ARHGAP36: variants seen among roughly 807,000 people sequenced by gnomAD.
ARHGAP36 encodes the protein rho GTPase-activating protein 36.
Under a neutral mutation model 32.9 loss-of-function variants are expected in ARHGAP36, and 7 were observed. The ratio of observed to expected loss-of-function variants is 0.21; its 90% confidence interval spans 0.12 to 0.40. The LOEUF (loss-of-function observed/expected upper bound fraction) is 0.40, where lower values mean the gene tolerates loss of function less well. Among genes scored for constraint, ARHGAP36 ranks in the 10% least tolerant of loss-of-function variants. The pLI is 1.00. For synonymous variants in ARHGAP36, 165 were observed against 168.3 expected (o/e 0.98, Z 0.15); for missense variants, 383 against 442.2 (o/e 0.87, Z 1.20).
chrX:131,081,403 CTTTTA>C (rs992370152), intron 1 of ARHGAP36, 116 bp from the exon 2 acceptor site: 1 of 547,652 alleles, frequency 1.8e-6, no homozygotes, highest in African/African-American at 2.5e-5. Context: ...ATGTTTTTCT[CTTTTA>C]TTTTTTCTTC....
rs1468110221 is a variant in ARHGAP36, at chrX:131,066,068, T to G, written c.-143+7624T>G. Among the ~76,000 whole-genome samples the G allele has an allele frequency of 4.5e-5, 5 of 111,641 alleles. No homozygotes were observed. In the Admixed American group the frequency reaches 4.7e-4, roughly 11 times the overall value. ...ATGTGTTCCCCAAAATGCGATGTAT[T>G]GCTTTAATTTGGGTTTCTCAGATGA... On this transcript the variant is annotated intron_variant, in intron 1 of 11. Coordinates refer to ENST00000276211, the MANE Select transcript of ARHGAP36 (RefSeq NM_144967.4).
At position 131,082,845 on chromosome X, in the gene ARHGAP36, G is replaced by A. The variant is rs752560263; in HGVS notation, c.254-320G>A. 4.6e-3 allele frequency among the ~76,000 whole-genome samples: 517 copies of A among 113,346 alleles called. 2 individuals are homozygous for A. The highest frequency in any genetic ancestry group is 0.015 in the African/African-American group (477 of 31,312). On this transcript the variant is annotated intron_variant, in intron 2 of 11. Coordinates refer to ENST00000276211, the MANE Select transcript of ARHGAP36 (RefSeq NM_144967.4). ...CCCTCTCCTGTTGCGTGATCTGGGG[G>A]CTTCAGAGCCCCGGAATTTATGTTT...
intron 1 of ARHGAP36, among the ~76,000 whole-genome samples, chrX:131,073,548 C>T (rs1443631165): frequency 8.8e-6 from 1 of 113,114 alleles, no homozygotes; most frequent in Non-Finnish European, 1.9e-5. Context: ...GGTGGGCTCT[C>T]TCTTCAACTG....
At chrX:131,076,512 G>A (rs778058557) in intron 1 of ARHGAP36, among the ~76,000 whole-genome samples, 36 of 112,524 alleles carry the variant, frequency 3.2e-4, no homozygotes, top group Middle Eastern at 9.3e-3. Flanking sequence ...ATGGAATGAC[G>A]ACTGTACTTA....
In ARHGAP36 at chrX:131,086,593, C is replaced by G. The variant is rs748903943; in HGVS notation, c.1414C>G (p.Leu472Val). The G allele has an allele frequency of 8.3e-7, 1 of 1,212,075 alleles. No homozygotes were observed. Among genetic ancestry groups the G allele is most frequent in the South Asian group, 1.8e-5 (1 of 56,993 alleles). ...CATAAAGATGGAAGAGGATGCACTA[C>G]TTTCTGATCCAGTGGAAACCTCTGC... ...ARIKMEEDAL[L>V]SDPVETSAEA... Residue 472 changes from leucine (L) to valine (V), a missense_variant, in exon 11 of 12, where the codon CTT becomes GTT. Transcript: ENST00000276211.
At chrX:131,058,552 C>T in intron 1 of ARHGAP36, 108 bp downstream of exon 1, 8 of 687,639 alleles carry the variant, frequency 1.2e-5, no homozygotes, top group Non-Finnish European at 1.6e-5. Flanking sequence ...CCCCTTGCCT[C>T]CCTTCCTGCT....
chrX:131,061,553 G>T (rs998883829), intron 1 of ARHGAP36, among the ~76,000 whole-genome samples: 1 of 111,789 alleles, frequency 8.9e-6, no homozygotes, highest in Admixed American at 9.5e-5. Flanking sequence ...ACCCTGGGGC[G>T]CACTTTACAT....
intron 2 of ARHGAP36, among the ~76,000 whole-genome samples, chrX:131,082,297 A>C (rs1255175740): frequency 1.8e-5 from 2 of 111,815 alleles, no homozygotes; most frequent in African/African-American, 6.5e-5. Flanking sequence ...AGAGATAGAG[A>C]CAGCGCGGTC....
chrX:131,059,486 C>T (rs917259599), intron 1 of ARHGAP36, among the ~76,000 whole-genome samples: 7 of 111,040 alleles, frequency 6.3e-5, no homozygotes, highest in African/African-American at 1.3e-4. Context: ...CCTTCACAGG[C>T]GGGGGAGGGG....
At position 131,088,752 on chromosome X, in the gene ARHGAP36, G is replaced by A; in HGVS notation, c.1611G>A (p.Glu537=). Residue 537 remains glutamate (E), a synonymous_variant, in exon 12 of 12, where the codon GAG becomes GAA. Transcript: ENST00000276211. ...RPLLRVPREK[E]AKTGVSYFFP is the part of the protein sequence containing the mutation. ...TGCTCCGTGTGCCCCGGGAGAAGGA[G>A]GCCAAAACTGGCGTCAGCTACTTCT... The A allele has an allele frequency of 1.7e-6, 2 of 1,209,477 alleles. No individual in the cohort carries two copies. Among genetic ancestry groups the A allele is most frequent in the Non-Finnish European group, 1.1e-6 (1 of 894,846 alleles).
chrX:131,086,200 T>C (rs1423112009), intron 9 of ARHGAP36, 111 bp downstream of exon 9: 4 of 1,109,193 alleles, frequency 3.6e-6, no homozygotes, highest in Middle Eastern at 2.5e-4. Context: ...AGCCACAAGA[T>C]CGTCCAGTCT....
chrX:131,075,880 A>AG (rs1444043536), intron 1 of ARHGAP36, among the ~76,000 whole-genome samples: 1 of 111,551 alleles, frequency 9.0e-6, no homozygotes, highest in Non-Finnish European at 1.9e-5. Context: ...GCTGGTTCCC[A>AG]GATCATATTC....
At chrX:131,072,978 C>T (rs2079740592) in intron 1 of ARHGAP36, 1 of 111,878 alleles carries the variant, frequency 8.9e-6, no homozygotes, top group Non-Finnish European at 1.9e-5. Context: ...GTCACGCAGC[C>T]TTTCCCTGGC....
At chrX:131,074,354 TGTGTGAGA>T (rs1367160897) in intron 1 of ARHGAP36, among the ~76,000 whole-genome samples, 12 of 34,121 alleles carry the variant, frequency 3.5e-4, no homozygotes, top group Non-Finnish European at 1.0e-3. Context: ...TGTGTGTGTG[TGTGTGAGA>T]GAGAGAGAGA....
At chrX:131,060,880 C>T (rs2148634583) in intron 1 of ARHGAP36, among the ~76,000 whole-genome samples, 1 of 112,608 alleles carries the variant, frequency 8.9e-6, no homozygotes, top group East Asian at 2.8e-4. Flanking sequence ...TGGGCAACAG[C>T]TCATTTCATT....
chrX:131,075,623 A>ATATGTGTG (rs778565871), intron 1 of ARHGAP36, among the ~76,000 whole-genome samples: 30 of 98,142 alleles, frequency 3.1e-4, no homozygotes, highest in Non-Finnish European at 5.1e-4. Flanking sequence ...GTGTATATAT[A>ATATGTGTG]TGTGTGTGTG....
intron 2 of ARHGAP36, among the ~76,000 whole-genome samples, chrX:131,082,434 C>A (rs1843711857): frequency 8.9e-6 from 1 of 112,636 alleles, no homozygotes; most frequent in Non-Finnish European, 1.9e-5. Flanking sequence ...TAGCACTGCC[C>A]ACCTCAGCTG....
At chrX:131,068,697 C>G (rs974882852) in intron 1 of ARHGAP36, among the ~76,000 whole-genome samples, 5 of 103,629 alleles carry the variant, frequency 4.8e-5, no homozygotes, top group Admixed American at 2.1e-4. Context: ...CCGAGCCCCA[C>G]TGGAGAGAAC....
chrX:131,078,992 G>A (rs898040116), intron 1 of ARHGAP36, among the ~76,000 whole-genome samples: 8 of 111,833 alleles, frequency 7.2e-5, no homozygotes, highest in Non-Finnish European at 1.3e-4. Flanking sequence ...TTGGGGGAGA[G>A]AAGGGACTGA....
Sources: allele counts gnomAD v4.1 joint callset (sites outside exome capture counted in the v4.1 genomes callset), GRCh38; gene constraint gnomAD v4.1.1; transcripts MANE v1.5; gene names NCBI Gene and HGNC (gene_info 2026-07-23, HGNC 2026-07-21).